EVL: variants seen among roughly 807,000 people sequenced by gnomAD.
EVL encodes ena/VASP-like protein.
EVL carries 21 observed loss-of-function variants against 59.6 expected under a neutral mutation model. That is an observed-to-expected ratio of 0.35 (90% CI 0.25 to 0.51). EVL has a LOEUF of 0.51. Ranked by LOEUF, EVL falls within the 20% of genes least tolerant of loss-of-function variation. The pLI is 0.97. For synonymous variants in EVL, 198 were observed against 203.5 expected (o/e 0.97, Z 0.23); for missense variants, 462 against 546.6 (o/e 0.85, Z 1.54).
intron 1 of EVL, among the ~76,000 whole-genome samples, chr14:100,072,212 G>A (rs748103550): frequency 3.9e-5 from 6 of 152,166 alleles, no homozygotes; most frequent in Non-Finnish European, 7.4e-5. Context: ...GAAACATTTT[G>A]TAAAAATTGG....
chr14:100,050,308 G>A (rs2140246244), intron 1 of EVL, among the ~76,000 whole-genome samples: 2 of 151,804 alleles, frequency 1.3e-5, no homozygotes, highest in Middle Eastern at 3.4e-3. Context: ...GGGAGCTAAC[G>A]TGTCCTTGCT....
intron 3 of EVL, among the ~76,000 whole-genome samples, chr14:100,099,870 G>A (rs1300748872): frequency 6.6e-6 from 1 of 151,612 alleles, no homozygotes; most frequent in Non-Finnish European, 1.5e-5. Flanking sequence ...ACTGCGCCCG[G>A]CCCAGCTTTA....
rs570575656 is a variant in EVL at position 100,132,619 on chromosome 14, T to C, written c.840-100T>C. ...CATCGTTTTCCCACACAGGTTTATC[T>C]GAGGACCGGGGTGAGTCTGGCAGGG... On this transcript the variant is annotated intron_variant, in intron 7 of 13. Coordinates refer to ENST00000392920, the MANE Select transcript of EVL (RefSeq NM_016337.3). The C allele has an allele frequency of 1.0e-4, 134 of 1,335,526 alleles. 1 individual carries two copies. The African/African-American group carries it at 1.7e-3, about 16-fold the overall frequency. 82.7% of individuals were successfully genotyped at this position (1,335,526 alleles called of 1,614,324 possible).
At chr14:100,084,918 C>CT in intron 2 of EVL, 63 bp downstream of exon 2, 1 of 1,558,672 alleles carries the variant, frequency 6.4e-7, no homozygotes, top group Non-Finnish European at 8.8e-7. Flanking sequence ...CCGCCCACCC[C>CT]TTACACACAT....
At chr14:100,082,007 C>T (rs990069948) in intron 1 of EVL, among the ~76,000 whole-genome samples, 1 of 152,126 alleles carries the variant, frequency 6.6e-6, no homozygotes, top group Non-Finnish European at 1.5e-5. Flanking sequence ...GCCTGTAGTC[C>T]CAGCTTCATG....
chr14:100,105,953 G>A (rs1000083057), intron 3 of EVL: 7 of 152,232 alleles, frequency 4.6e-5, no homozygotes, highest in Non-Finnish European at 1.0e-4. Flanking sequence ...CTGCAAGCCG[G>A]GAGGAGGCTC....
intron 1 of EVL, among the ~76,000 whole-genome samples, chr14:99,980,857 G>A (rs1329438778): frequency 2.0e-5 from 3 of 152,070 alleles, no homozygotes; most frequent in African/African-American, 7.2e-5. Context: ...TTGCTGGTTT[G>A]GTGATTTTGT....
At chr14:100,040,263 T>G (rs2061448777) in intron 1 of EVL, among the ~76,000 whole-genome samples, 1 of 152,222 alleles carries the variant, frequency 6.6e-6, no homozygotes, top group Non-Finnish European at 1.5e-5. Context: ...TATGCATTTT[T>G]AACATTACTG....
chr14:100,024,081 A>G (rs1218492439), intron 1 of EVL, among the ~76,000 whole-genome samples: 1 of 152,206 alleles, frequency 6.6e-6, no homozygotes, highest in Admixed American at 6.5e-5. Context: ...GTGTACCAAG[A>G]TCTGAAATCC....
chr14:99,974,229 C>G (rs1216495726), intron 1 of EVL: 1 of 152,148 alleles, frequency 6.6e-6, no homozygotes, highest in Non-Finnish European at 1.5e-5. Flanking sequence ...TGTGAAGTGT[C>G]TTTTTATTAG....
At chr14:100,051,479 A>G (rs997962034) in intron 1 of EVL, among the ~76,000 whole-genome samples, 5 of 152,188 alleles carry the variant, frequency 3.3e-5, no homozygotes, top group Middle Eastern at 3.4e-3. Flanking sequence ...CTTAAATTCT[A>G]TTTGTCTGAT....
At chr14:100,078,755 C>A (rs1335380210) in intron 1 of EVL, among the ~76,000 whole-genome samples, 1 of 152,168 alleles carries the variant, frequency 6.6e-6, no homozygotes, top group African/African-American at 2.4e-5. Flanking sequence ...GCAGCTCACT[C>A]ACCCTGGTTT....
chr14:100,098,855 A>G (rs1261540570), intron 3 of EVL, among the ~76,000 whole-genome samples: 4 of 152,164 alleles, frequency 2.6e-5, no homozygotes, highest in African/African-American at 9.7e-5. Context: ...AAATCGGGGG[A>G]TATAGAGTTG....
chr14:100,141,472 C>T (rs1196354472), intron 12 of EVL, among the ~76,000 whole-genome samples: 1 of 152,232 alleles, frequency 6.6e-6, no homozygotes, highest in Non-Finnish European at 1.5e-5. Flanking sequence ...GGGCACCTCC[C>T]TCAGGCCTGC....
intron 1 of EVL, among the ~76,000 whole-genome samples, chr14:100,031,661 C>T (rs190606642): frequency 8.5e-5 from 13 of 152,246 alleles, no homozygotes; most frequent in Admixed American, 4.6e-4. Context: ...CAGGGCATTT[C>T]GTAATAATTT....
chr14:100,040,118 T>G (rs1230128171), intron 1 of EVL, among the ~76,000 whole-genome samples: 1 of 152,250 alleles, frequency 6.6e-6, no homozygotes. Context: ...TGTCCCTTTG[T>G]GTTTGCTTGT....
chr14:100,035,043 G>C (rs2061368114), intron 1 of EVL, among the ~76,000 whole-genome samples: 1 of 152,190 alleles, frequency 6.6e-6, no homozygotes, highest in South Asian at 2.1e-4. Context: ...TTGGAGGAAT[G>C]AATGAAGTTT....
At chr14:99,974,903 G>C (rs1347763308) in intron 1 of EVL, 2 of 152,442 alleles carry the variant, frequency 1.3e-5, no homozygotes, top group East Asian at 3.8e-4. Context: ...GTTGCCCCCA[G>C]GAAAAAGTCG....
At chr14:100,093,970 C>G (rs1243906581) in intron 2 of EVL, among the ~76,000 whole-genome samples, 1 of 152,300 alleles carries the variant, frequency 6.6e-6, no homozygotes, top group South Asian at 2.1e-4. Context: ...TAATCTCTGA[C>G]TATGGCTAAT....
Sources: gnomAD v4.1 joint callset for allele counts (sites outside exome capture counted in the v4.1 genomes callset) on GRCh38, gnomAD v4.1.1 for gene constraint, MANE v1.5 for transcripts, NCBI Gene and HGNC (gene_info 2026-07-23, HGNC 2026-07-21) for gene names.